Variants in PDE4D observed in about 807,000 individuals in gnomAD.
PDE4D encodes the protein phosphodiesterase 4D.
PDE4D carries 24 observed loss-of-function variants against 87.4 expected under a neutral mutation model. The ratio of observed to expected loss-of-function variants is 0.27; its 90% CI spans 0.20 to 0.39. The LOEUF (loss-of-function observed/expected upper bound fraction) is 0.39. PDE4D is among the 10% of genes least tolerant of loss of function. PDE4D has a pLI of 1.00. For synonymous variants in PDE4D, 384 were observed against 383.2 expected (o/e 1.00, Z -0.02); for missense variants, 714 against 1,041.0 (o/e 0.69, Z 4.32).
intron 1 of PDE4D, among the ~76,000 whole-genome samples, chr5:59,266,669 G>A (rs546108894): frequency 1.3e-5 from 2 of 151,972 alleles, no homozygotes; most frequent in South Asian, 4.2e-4. Flanking sequence ...ATCTTGGGGG[G>A]AAAGGCAGAC....
chr5:59,532,745 T>C (rs183463526), intron 1 of PDE4D, among the ~76,000 whole-genome samples: 3 of 152,302 alleles, frequency 2.0e-5, no homozygotes, highest in African/African-American at 7.2e-5. Context: ...CTGAAAAAGA[T>C]ATATGGGAAA....
intron 1 of PDE4D, among the ~76,000 whole-genome samples, chr5:59,875,585 G>T (rs1385299677): frequency 6.7e-6 from 1 of 150,026 alleles, no homozygotes; most frequent in Non-Finnish European, 1.5e-5. Flanking sequence ...ACTTTAAATG[G>T]TGCACCTCTG....
intron 2 of PDE4D, among the ~76,000 whole-genome samples, chr5:59,997,443 C>A (rs1425728318): frequency 6.6e-6 from 1 of 151,978 alleles, no homozygotes; most frequent in Non-Finnish European, 1.5e-5. Flanking sequence ...ATTTAAATAC[C>A]AATACCAATC....
At chr5:59,574,674 C>T (rs1044992815) in intron 1 of PDE4D, among the ~76,000 whole-genome samples, 4 of 151,984 alleles carry the variant, frequency 2.6e-5, no homozygotes, top group Admixed American at 2.6e-4. Flanking sequence ...CTCTTCCTAC[C>T]CACTCTTCAA....
chr5:59,954,507 A>G (rs1561905510), intron 3 of PDE4D, among the ~76,000 whole-genome samples: 1 of 152,172 alleles, frequency 6.6e-6, no homozygotes. Flanking sequence ...TTGTAGGGAA[A>G]AAAGCCGGGA....
intron 2 of PDE4D, among the ~76,000 whole-genome samples, chr5:60,156,067 A>G (rs1372419932): frequency 6.6e-6 from 1 of 152,182 alleles, no homozygotes; most frequent in African/African-American, 2.4e-5. Flanking sequence ...TCCAAGAATC[A>G]AGGGTACAGT....
intron 2 of PDE4D, among the ~76,000 whole-genome samples, chr5:60,033,493 T>C (rs1562002368): frequency 1.3e-5 from 2 of 152,184 alleles, no homozygotes; most frequent in Non-Finnish European, 2.9e-5. Context: ...ATTTTATCCA[T>C]TTTTTGCCAC....
At chr5:59,384,521 T>C (rs1786575941) in intron 1 of PDE4D, among the ~76,000 whole-genome samples, 1 of 152,168 alleles carries the variant, frequency 6.6e-6, no homozygotes, top group Non-Finnish European at 1.5e-5. Flanking sequence ...TGATATGTAG[T>C]ATGGGAAACA....
At chr5:59,421,079 A>T (rs779534480) in intron 1 of PDE4D, among the ~76,000 whole-genome samples, 1 of 152,180 alleles carries the variant, frequency 6.6e-6, no homozygotes, top group African/African-American at 2.4e-5. Context: ...GACTATGACA[A>T]ACTGAAGTTT....
intron 1 of PDE4D, among the ~76,000 whole-genome samples, chr5:59,386,995 C>T (rs6887017): frequency 0.13 from 20,091 of 152,098 alleles, 1,623 homozygotes; most frequent in Middle Eastern, 0.3. Flanking sequence ...ATTAGGATCA[C>T]GTAATGTAAA....
intron 1 of PDE4D, among the ~76,000 whole-genome samples, chr5:59,659,530 G>A (rs964336654): frequency 2.6e-5 from 4 of 152,176 alleles, no homozygotes; most frequent in African/African-American, 7.2e-5. Context: ...AGGCCTTTCC[G>A]ATAATTATGT....
intron 1 of PDE4D, among the ~76,000 whole-genome samples, chr5:60,415,331 T>C (rs1742400353): frequency 6.6e-6 from 1 of 152,248 alleles, no homozygotes; most frequent in South Asian, 2.1e-4. Flanking sequence ...CAGCGCCTCC[T>C]TGGCCTTGGC....
At chr5:59,364,348 T>C (rs1782704578) in intron 1 of PDE4D, among the ~76,000 whole-genome samples, 1 of 151,714 alleles carries the variant, frequency 6.6e-6, no homozygotes, top group Admixed American at 6.6e-5. Flanking sequence ...TTAGCTTACC[T>C]CTAAATTTTA....
chr5:60,424,964 T>C (rs1743551305), intron 1 of PDE4D, among the ~76,000 whole-genome samples: 1 of 152,050 alleles, frequency 6.6e-6, no homozygotes. Context: ...TACCTAGGAA[T>C]CCAACTTACA....
At chr5:59,029,239 C>T (rs13362039) in intron 6 of PDE4D, among the ~76,000 whole-genome samples, 15,592 of 132,850 alleles carry the variant, frequency 0.12, 1,282 homozygotes, top group East Asian at 0.49. Flanking sequence ...AGTGAAACCC[C>T]ATCTCTACTT....
intron 1 of PDE4D, among the ~76,000 whole-genome samples, chr5:59,370,305 T>C (rs1054732976): frequency 1.3e-5 from 2 of 152,200 alleles, no homozygotes; most frequent in African/African-American, 4.8e-5. Context: ...CTCTTTTCCA[T>C]GGTTTTCAAA....
At chr5:59,012,689 TA>T in intron 6 of PDE4D, among the ~76,000 whole-genome samples, 1 of 152,226 alleles carries the variant, frequency 6.6e-6, no homozygotes, top group African/African-American at 2.4e-5. Context: ...CTTAGACTTC[TA>T]CACAATAATA....
intron 1 of PDE4D, among the ~76,000 whole-genome samples, chr5:60,508,871 T>TTTTA (rs1554045493): frequency 6.6e-6 from 1 of 151,688 alleles, no homozygotes; most frequent in Non-Finnish European, 1.5e-5. Flanking sequence ...TTCTCTTTTT[T>TTTTA]TTTCTTTCTT....
At position 60,049,141 on chromosome 5, in the gene PDE4D, C is replaced by T. The variant is rs764441538; in HGVS notation, c.43-60424G>A. Reference sequence around the variant, plus strand: ...TCATCTTCCATCGCTGATACCTTTTCTTCCAGTTGATTGCATCAGCTCCTG... The same window carrying T: ...TCATCTTCCATCGCTGATACCTTTTTTTCCAGTTGATTGCATCAGCTCCTG... On this transcript the variant is annotated intron_variant, in intron 2 of 16. Coordinates refer to the PDE4D transcript ENST00000502484. Among the ~76,000 whole-genome samples the T allele has an allele frequency of 2.3e-3, 349 of 152,322 alleles. 1 individual carries two copies. The highest frequency in any genetic ancestry group is 5.4e-3 in the Admixed American group (83 of 15,300).
Sources: allele counts gnomAD v4.1 joint callset (sites outside exome capture counted in the v4.1 genomes callset), GRCh38; gene constraint gnomAD v4.1.1; transcripts MANE v1.5; gene names NCBI Gene and HGNC (gene_info 2026-07-23, HGNC 2026-07-21).